The following BANF1 variants were observed in gnomAD, a reference collection of about 807,000 sequenced individuals.
BANF1 encodes barrier-to-autointegration factor.
For synonymous variants in BANF1, 49 were observed against 43.7 expected (o/e 1.12, Z -0.48); for missense variants, 47 against 110.4 (o/e 0.43, Z 2.57).
intron 1 of BANF1, 152 bp from the exon 2 acceptor site, chr11:66,003,083 C>T: frequency 1.3e-6 from 1 of 775,882 alleles, no homozygotes. Flanking sequence ...AGGGAAGAGT[C>T]TCCCTGGAAC....
chr11:66,003,142 CT>C, intron 1 of BANF1, 92 bp from the exon 2 acceptor site: 1 of 1,398,410 alleles, frequency 7.2e-7, no homozygotes, highest in Non-Finnish European at 1.0e-6. Context: ...ACTGTAACCC[CT>C]GGCTTGGCTT....
intron 2 of BANF1, 36 bp from the exon 3 acceptor site, chr11:66,003,590 T>G: frequency 7.0e-7 from 1 of 1,429,394 alleles, no homozygotes; most frequent in Non-Finnish European, 9.7e-7. Context: ...CACTGAGCAC[T>G]GAGCAGCACG....
At chr11:66,002,697 G>A (rs1416731430) in intron 1 of BANF1, 127 bp downstream of exon 1, 1 of 151,428 alleles carries the variant, frequency 6.6e-6, no homozygotes, top group African/African-American at 2.4e-5. Flanking sequence ...GCGGGGAGGG[G>A]GCGGGGTGCA....
chr11:66,003,943 A>C lies in BANF1; in HGVS notation c.*171A>C. On this transcript the variant is annotated 3_prime_UTR_variant, in exon 3 of 3. Transcript: ENST00000312175. ...CCTAACCATTTCAACTTTTTTTTGG[A>C]TTCTCGCTCTTGCATGCCTCCCCCG... 1.1e-6 allele frequency: 1 copy of C among 886,412 alleles called. No homozygotes were observed. The highest frequency in any genetic ancestry group is 1.7e-6 in the Non-Finnish European group (1 of 583,194). 54.9% of individuals were successfully genotyped at this position (886,412 alleles called of 1,614,324 possible). A position where few individuals can be genotyped will look rare whatever the true frequency, so the allele number is the denominator to read the frequency against.
At chr11:66,003,080 A>G in intron 1 of BANF1, 155 bp from the exon 2 acceptor site, 1 of 759,522 alleles carries the variant, frequency 1.3e-6, no homozygotes, top group Non-Finnish European at 2.3e-6. Context: ...AGTAGGGAAG[A>G]GTCTCCCTGG....
intron 1 of BANF1, chr11:66,002,996 G>GT (rs1372379960): frequency 4.0e-6 from 2 of 501,780 alleles, no homozygotes; most frequent in Non-Finnish European, 7.2e-6. Context: ...TGCGCCACCT[G>GT]TTAGGCAGGA....
rs1476827359 is a variant in BANF1 at position 66,003,831 on chromosome 11, A to G, written c.*59A>G. The G allele has an allele frequency of 6.2e-7, 1 of 1,607,150 alleles. No homozygotes were observed. Among genetic ancestry groups the G allele is most frequent in the East Asian group, 2.2e-5 (1 of 44,770 alleles). ...ATCCAGAGTTTGCAGCCGAGTAGGGACTCCTCCCCTGTCCTCTACGAAGGA... is the reference window on the plus strand; with the variant it reads ...ATCCAGAGTTTGCAGCCGAGTAGGGGCTCCTCCCCTGTCCTCTACGAAGGA... On this transcript the variant is annotated 3_prime_UTR_variant, in exon 3 of 3. Coordinates refer to ENST00000312175, the MANE Select transcript of BANF1 (RefSeq NM_003860.4).
In BANF1 at chr11:66,003,531, G is replaced by A. The variant is rs957918953; in HGVS notation, c.124-95G>A. ...GGGCAAAACCCGCGCTGCTTCCTGG[G>A]CTTGTGTGCTCTGAATGGCACAGGA... On this transcript the variant is annotated intron_variant, in intron 2 of 2. Coordinates refer to ENST00000312175, the MANE Select transcript of BANF1 (RefSeq NM_003860.4). 5 of 1,611,632 alleles carry A rather than the reference G, an allele frequency of 3.1e-6. No homozygotes were observed. In the African/African-American group the frequency reaches 5.3e-5, roughly 17 times the overall value.
Position 66,002,546 on chromosome 11 carries a change from A to T in BANF1, c.-41A>T, listed in dbSNP as rs905658424. ...CAGGAGCGGCCGGGTGGCGGGAGGA[A>T]CCGTTACGGGAACTGAAGTTGCGGG... On this transcript the variant is annotated 5_prime_UTR_variant, in exon 1 of 3. Coordinates refer to ENST00000312175, the MANE Select transcript of BANF1 (RefSeq NM_003860.4). 6.5e-6 allele frequency: 1 copy of T among 152,738 alleles called. No individual in the cohort carries two copies. The highest frequency in any genetic ancestry group is 1.5e-5 in the Non-Finnish European group (1 of 68,174). The allele number at this position is 152,738 out of a possible 1,614,324, so 9.5% of individuals were successfully genotyped here. A position where few individuals can be genotyped will look rare whatever the true frequency, so the allele number is the denominator to read the frequency against.
intron 2 of BANF1, 97 bp from the exon 3 acceptor site, chr11:66,003,529 G>T: frequency 6.2e-7 from 1 of 1,611,690 alleles, no homozygotes; most frequent in Non-Finnish European, 8.5e-7. Flanking sequence ...GCTGCTTCCT[G>T]GGCTTGTGTG....
intron 1 of BANF1, chr11:66,002,938 C>T (rs867376488): frequency 4.9e-6 from 2 of 406,684 alleles, no homozygotes; most frequent in Non-Finnish European, 9.3e-6. Flanking sequence ...GTGATAGCTT[C>T]CGCGCAGCCC....
chr11:66,003,448 A>G (rs557802364), intron 2 of BANF1, 75 bp downstream of exon 2: 9 of 1,610,830 alleles, frequency 5.6e-6, no homozygotes, highest in Middle Eastern at 1.7e-4. Flanking sequence ...GGGGATGGAC[A>G]GTAAGGTATA....
At chr11:66,003,442 A>T (rs1856057686) in intron 2 of BANF1, 69 bp downstream of exon 2, 1 of 1,611,538 alleles carries the variant, frequency 6.2e-7, no homozygotes, top group Non-Finnish European at 8.5e-7. Flanking sequence ...CTGCTGGGGG[A>T]TGGACAGTAA....
intron 1 of BANF1, 39 bp from the exon 2 acceptor site, chr11:66,003,196 G>T: frequency 6.2e-7 from 1 of 1,609,262 alleles, no homozygotes; most frequent in Non-Finnish European, 8.5e-7. Context: ...GAAGTTCCAG[G>T]TCTTCAGCCC....
At chr11:66,002,888 C>A (rs531738594) in intron 1 of BANF1, 130 of 338,094 alleles carry the variant, frequency 3.8e-4, no homozygotes, top group Non-Finnish European at 6.8e-4. Context: ...CCGTTCCAGG[C>A]AGGCAGTGTC....
rs1389869479 is a variant in BANF1, at chr11:66,003,738, G to A, written c.236G>A (p.Gly79Glu). Residue 79 changes from glycine (G) to glutamate (E), a missense_variant, in exon 3 of 3, where the codon GGA becomes GAA. Physicochemically the swap from Gly to Glu is moderately conservative, Grantham distance 98. Transcript: ENST00000312175. The stretch of plus-strand genomic sequence containing the variant: ...GCCAAGCAGTCCCGGGACTGCTTCG[G>A]ATGCCTTCGAGAGTGGTGCGACGCC... ...ANAKQSRDCF[G>E]CLREWCDAFL is the part of the protein sequence containing the mutation. 1 of 1,614,060 alleles carries A rather than the reference G, an allele frequency of 6.2e-7. No homozygotes were observed. Among genetic ancestry groups the A allele is most frequent in the Non-Finnish European group, 8.5e-7 (1 of 1,180,010 alleles).
At position 66,003,340 on chromosome 11, in the gene BANF1, G is replaced by A. The variant is rs760042780; in HGVS notation, c.90G>A (p.Leu30=). ...VGSLAGIGEV[L]GKKLEERGFD... ...GCCTGGCTGGGATTGGTGAAGTCCTGGGCAAGAAGCTGGAGGAAAGGGGTT... is the reference window on the plus strand; with the variant it reads ...GCCTGGCTGGGATTGGTGAAGTCCTAGGCAAGAAGCTGGAGGAAAGGGGTT... Residue 30 remains leucine (L), a synonymous_variant, in exon 2 of 3, where the codon CTG becomes CTA. Coordinates refer to ENST00000312175, the MANE Select transcript of BANF1 (RefSeq NM_003860.4). 16 of 1,613,680 alleles carry A rather than the reference G, an allele frequency of 9.9e-6. No homozygotes were observed. The South Asian group carries it at 1.8e-4, about 18-fold the overall frequency.
chr11:66,003,174 C>T lies in BANF1; in HGVS notation c.-16-61C>T, dbSNP rs887170926. 7.0e-6 allele frequency: 11 copies of T among 1,577,980 alleles called. No individual in the cohort carries two copies. The Admixed American group carries it at 1.0e-4, about 15-fold the overall frequency. On this transcript the variant is annotated intron_variant, in intron 1 of 2. Transcript: ENST00000312175. ...GGCTTCCTCTTACTATGAGATTGCT[C>T]GTGGGCCCTTAGAAGTTCCAGGTCT... is the stretch of plus-strand genomic sequence containing the variant.
At chr11:66,002,879 C>T (rs1053515964) in intron 1 of BANF1, 2 of 329,296 alleles carry the variant, frequency 6.1e-6, no homozygotes, top group African/African-American at 4.3e-5. Context: ...GCCAAGTGGC[C>T]GTTCCAGGCA....
Sources: gnomAD v4.1 joint callset for allele counts on GRCh38, gnomAD v4.1.1 for gene constraint, MANE v1.5 for transcripts, NCBI Gene and HGNC (gene_info 2026-07-23, HGNC 2026-07-21) for gene names.